Variants in NR2C1 observed in about 807,000 individuals in gnomAD.
NR2C1 encodes TR2 nuclear hormone receptor.
A neutral mutation model predicts 74.8 loss-of-function variants in NR2C1; 33 were observed. The ratio of observed to expected loss-of-function variants is 0.44; its 90% CI spans 0.33 to 0.59. The LOEUF (loss-of-function observed/expected upper bound fraction) is 0.59, where lower values mean the gene tolerates loss of function less well. NR2C1 is among the 20% of genes least tolerant of loss of function. The probability of loss-of-function intolerance (pLI) is 0.02; values close to 1 mark genes in which losing one functional copy is unlikely to be tolerated. For missense variants in NR2C1, 568 were observed against 715.6 expected (o/e 0.79, Z 2.35); for synonymous variants, 225 against 240.6 (o/e 0.94, Z 0.60).
chr12:95,024,854 T>C (rs1180311578), intron 13 of NR2C1, among the ~76,000 whole-genome samples: 1 of 152,204 alleles, frequency 6.6e-6, no homozygotes, highest in Non-Finnish European at 1.5e-5. Flanking sequence ...GAAAAAGAGT[T>C]TGGATTTTAG....
chr12:95,027,364 CAT>C (rs1305555171), intron 12 of NR2C1, among the ~76,000 whole-genome samples: 1 of 152,168 alleles, frequency 6.6e-6, no homozygotes, highest in African/African-American at 2.4e-5. Flanking sequence ...CAAGGTCTAT[CAT>C]ATTATTTCAC....
At position 95,020,901 on chromosome 12, in the gene NR2C1, C is replaced by T. The variant is rs1458643568; in HGVS notation, c.*1328G>A. 2 of 152,072 alleles carry T rather than the reference C, an allele frequency of 1.3e-5. No individual in the cohort carries two copies. The highest frequency in any genetic ancestry group is 4.8e-5 in the African/African-American group (2 of 41,420). The allele number at this position is 152,072 out of a possible 1,614,324, so 9.4% of individuals were successfully genotyped here. On this transcript the variant is annotated 3_prime_UTR_variant, in exon 14 of 14. Coordinates refer to ENST00000333003, the MANE Select transcript of NR2C1 (RefSeq NM_003297.4). ...GTTAAAGCAGCCCTCCCGTGCTTTACAGTGAAAAAAATCAGTGAATATTTC... is the reference window on the plus strand; with the variant it reads ...GTTAAAGCAGCCCTCCCGTGCTTTATAGTGAAAAAAATCAGTGAATATTTC...
Position 95,059,949 on chromosome 12 carries a change from A to G in NR2C1, c.321T>C (p.Asn107=). ...LTDNSPDQGP[N]KVFDLCVVCG... Reference sequence around the variant, plus strand: ...ATACTACGCAAAGATCAAAAACCTTATTTGGTCCTTGGTCTGGAGAATTAT... The same window carrying G: ...ATACTACGCAAAGATCAAAAACCTTGTTTGGTCCTTGGTCTGGAGAATTAT... Residue 107 remains asparagine (N), a synonymous_variant, in exon 4 of 14, where the codon AAT becomes AAC. Coordinates refer to ENST00000333003, the MANE Select transcript of NR2C1 (RefSeq NM_003297.4). 3.2e-6 allele frequency: 5 copies of G among 1,542,072 alleles called. No homozygotes were observed. Among genetic ancestry groups the G allele is most frequent in the Non-Finnish European group, 4.4e-6 (5 of 1,139,832 alleles).
chr12:95,067,117 G>T, intron 2 of NR2C1: 27 of 546,184 alleles, frequency 4.9e-5, no homozygotes, highest in Middle Eastern at 3.3e-4. Context: ...ATTTTCTTCT[G>T]TGCTCCCATT....
chr12:95,025,774 G>T (rs557718835), intron 12 of NR2C1, among the ~76,000 whole-genome samples: 1 of 147,636 alleles, frequency 6.8e-6, no homozygotes, highest in Non-Finnish European at 1.5e-5. Flanking sequence ...TTTTTATCTC[G>T]TATACATATG....
At chr12:95,059,371 A>C (rs1210958131) in intron 4 of NR2C1, among the ~76,000 whole-genome samples, 1 of 152,080 alleles carries the variant, frequency 6.6e-6, no homozygotes, top group East Asian at 1.9e-4. Context: ...TTTCATTACA[A>C]ATCATATTAA....
At position 95,067,395 on chromosome 12, in the gene NR2C1, C is replaced by T; in HGVS notation, c.-7-4G>A. On this transcript the variant is annotated splice_region_variant and splice_polypyrimidine_tract_variant and intron_variant, in intron 1 of 13. Coordinates refer to ENST00000333003, the MANE Select transcript of NR2C1 (RefSeq NM_003297.4). ...TTCTATGGTTGCCATGATCTACCTG[C>T]CAAAAATAAAAAGATGTTTTATAAT... 2 of 1,604,036 alleles carry T rather than the reference C, an allele frequency of 1.2e-6. No individual in the cohort carries two copies. Among genetic ancestry groups the T allele is most frequent in the Non-Finnish European group, 1.7e-6 (2 of 1,171,746 alleles).
At chr12:95,023,615 T>C (rs996759325) in intron 13 of NR2C1, among the ~76,000 whole-genome samples, 5 of 152,200 alleles carry the variant, frequency 3.3e-5, no homozygotes, top group African/African-American at 9.7e-5. Context: ...CCACTTACTG[T>C]CTCTCACAGT....
chr12:95,054,842 C>A (rs893714105), intron 7 of NR2C1, among the ~76,000 whole-genome samples: 1 of 151,822 alleles, frequency 6.6e-6, no homozygotes, highest in Non-Finnish European at 1.5e-5. Context: ...AGTGGAGGGA[C>A]GGTCAGCAGA....
intron 1 of NR2C1, among the ~76,000 whole-genome samples, chr12:95,072,219 A>T (rs1303244995): frequency 6.6e-6 from 1 of 150,476 alleles, no homozygotes; most frequent in Non-Finnish European, 1.5e-5. Flanking sequence ...ACGAGGTCAG[A>T]GTATCAAGAC....
intron 7 of NR2C1, among the ~76,000 whole-genome samples, chr12:95,054,787 T>C (rs935255047): frequency 6.6e-6 from 1 of 152,166 alleles, no homozygotes; most frequent in Admixed American, 6.6e-5. Context: ...TGATCATTCT[T>C]AGGTGTTTCT....
At chr12:95,042,219 C>CTTTTTT (rs1212588554) in intron 9 of NR2C1, among the ~76,000 whole-genome samples, 1 of 125,884 alleles carries the variant, frequency 7.9e-6, no homozygotes, top group Non-Finnish European at 1.7e-5. Context: ...TCAAAGGTAT[C>CTTTTTT]TTTTTTTTTT....
intron 9 of NR2C1, among the ~76,000 whole-genome samples, chr12:95,042,502 C>T (rs1033009646): frequency 5.3e-5 from 8 of 152,026 alleles, no homozygotes; most frequent in East Asian, 3.9e-4. Context: ...CATGAGCCAC[C>T]GCACCTGGCC....
chr12:95,066,240 G>T (rs776919553), intron 2 of NR2C1, among the ~76,000 whole-genome samples: 1 of 152,012 alleles, frequency 6.6e-6, no homozygotes, highest in Non-Finnish European at 1.5e-5. Context: ...AGCACCTCAC[G>T]CCTGTAATCC....
chr12:95,036,435 AT>A (rs66753010), intron 10 of NR2C1, among the ~76,000 whole-genome samples: 48,080 of 151,888 alleles, frequency 0.32, 8,344 homozygotes, highest in African/African-American at 0.46. Context: ...AACTTGTAAA[AT>A]TAGTAAATAT....
rs563361237 is a variant in NR2C1 at position 95,023,141 on chromosome 12, T to TAA, written c.1638-740_1638-739dup. ...ACCTCATCTCTACTAAAAAAAATAA[T>TAA]AATAAAATAAAATAAAATCAGCCGG... On this transcript the variant is annotated intron_variant, in intron 13 of 13. Coordinates refer to ENST00000333003, the MANE Select transcript of NR2C1 (RefSeq NM_003297.4). Among the ~76,000 whole-genome samples, 127 of 151,618 alleles carry TAA rather than the reference T, an allele frequency of 8.4e-4. 2 individuals carry two copies. The highest frequency in any genetic ancestry group is 2.6e-3 in the Admixed American group (40 of 15,208).
At chr12:95,061,014 T>TTATTCC (rs1874698891) in intron 3 of NR2C1, among the ~76,000 whole-genome samples, 1 of 152,226 alleles carries the variant, frequency 6.6e-6, no homozygotes, top group South Asian at 2.1e-4. Context: ...CTTTTATCTA[T>TTATTCC]TATTCCTAAG....
intron 2 of NR2C1, 92 bp from the exon 3 acceptor site, chr12:95,062,830 T>G: frequency 5.6e-6 from 5 of 890,482 alleles, no homozygotes; most frequent in Non-Finnish European, 8.9e-6. Flanking sequence ...ACATATATAT[T>G]CAATATAACA....
intron 4 of NR2C1, 152 bp downstream of exon 4, chr12:95,059,754 A>G: frequency 1.8e-6 from 1 of 564,012 alleles, no homozygotes; most frequent in Non-Finnish European, 3.0e-6. Context: ...GTTATAGGCT[A>G]CAAATATGAA....
Sources: allele counts gnomAD v4.1 joint callset (sites outside exome capture counted in the v4.1 genomes callset), GRCh38; gene constraint gnomAD v4.1.1; transcripts MANE v1.5; gene names NCBI Gene and HGNC (gene_info 2026-07-23, HGNC 2026-07-21).